RBFOX1: variants seen among roughly 807,000 people sequenced by gnomAD.
RBFOX1 encodes RNA binding protein fox-1 homolog 1.
In RBFOX1, 8 loss-of-function variants were observed where a neutral mutation model predicts 57.7. That is an observed-to-expected ratio of 0.14 (90% CI 0.08 to 0.25). RBFOX1 has a LOEUF of 0.25. Among genes scored for constraint, RBFOX1 ranks in the 10% least tolerant of loss-of-function variants. RBFOX1 has a pLI of 1.00. For synonymous variants in RBFOX1, 326 were observed against 222.4 expected (o/e 1.47, Z -4.15); for missense variants, 611 against 548.5 (o/e 1.11, Z -1.14).
intron 4 of RBFOX1, among the ~76,000 whole-genome samples, chr16:5,880,399 G>C (rs981706903): frequency 6.6e-6 from 1 of 152,148 alleles, no homozygotes; most frequent in Non-Finnish European, 1.5e-5. Context: ...AGACCCAGAG[G>C]ACAAGGATCT....
At chr16:7,585,765 T>C (rs1483270089) in intron 6 of RBFOX1, among the ~76,000 whole-genome samples, 1 of 152,198 alleles carries the variant, frequency 6.6e-6, no homozygotes, top group East Asian at 1.9e-4. Context: ...GCTATCTGTA[T>C]GTTCTAAATA....
intron 2 of RBFOX1, among the ~76,000 whole-genome samples, chr16:6,584,940 A>C (rs183157869): frequency 1.6e-4 from 24 of 152,276 alleles, no homozygotes; most frequent in African/African-American, 4.8e-4. Flanking sequence ...ACCAGTGACA[A>C]CTTCCCTTTG....
At chr16:7,036,202 A>AT (rs35241664) in intron 3 of RBFOX1, among the ~76,000 whole-genome samples, 70,227 of 145,706 alleles carry the variant, frequency 0.48, 17,856 homozygotes, top group South Asian at 0.62. Flanking sequence ...TCACCTTGAC[A>AT]TTTTTTTTTT....
intron 1 of RBFOX1, among the ~76,000 whole-genome samples, chr16:6,312,099 A>T (rs1451655233): frequency 1.3e-5 from 2 of 152,182 alleles, no homozygotes; most frequent in African/African-American, 4.8e-5. Flanking sequence ...AACTTAGGTG[A>T]GGCACCACCC....
intron 2 of RBFOX1, among the ~76,000 whole-genome samples, chr16:6,385,745 T>C (rs1013957176): frequency 6.6e-6 from 1 of 152,200 alleles, no homozygotes; most frequent in East Asian, 1.9e-4. Flanking sequence ...CAGTGACTCA[T>C]GCGTCACGTC....
chr16:7,510,667 A>G (rs1412685673), intron 4 of RBFOX1, among the ~76,000 whole-genome samples: 3 of 152,220 alleles, frequency 2.0e-5, no homozygotes, highest in African/African-American at 7.2e-5. Flanking sequence ...CTTCTGCACA[A>G]GAGGGTTTCT....
chr16:7,197,294 T>G (rs1027657505), intron 4 of RBFOX1, among the ~76,000 whole-genome samples: 3 of 152,176 alleles, frequency 2.0e-5, no homozygotes, highest in African/African-American at 7.2e-5. Context: ...ATGTCGTGGT[T>G]GAAGCAGGAA....
chr16:6,928,047 C>T (rs1215726855), intron 3 of RBFOX1, among the ~76,000 whole-genome samples: 2 of 152,162 alleles, frequency 1.3e-5, no homozygotes, highest in African/African-American at 2.4e-5. Flanking sequence ...ATAATTTCCC[C>T]AACTTGGGTT....
chr16:6,519,495 G>A (rs2096458542), intron 2 of RBFOX1, among the ~76,000 whole-genome samples: 1 of 152,118 alleles, frequency 6.6e-6, no homozygotes, highest in African/African-American at 2.4e-5. Flanking sequence ...GAGGTCAAGA[G>A]TTGGAGACCA....
intron 1 of RBFOX1, among the ~76,000 whole-genome samples, chr16:6,210,950 A>T (rs937450239): frequency 1.1e-4 from 16 of 152,122 alleles, no homozygotes; most frequent in Non-Finnish European, 2.2e-4. Context: ...GGGGCCTTGC[A>T]TTCCAAGTGT....
intron 14 of RBFOX1, among the ~76,000 whole-genome samples, chr16:7,707,887 T>TG (rs2083006731): frequency 6.6e-6 from 1 of 152,198 alleles, no homozygotes; most frequent in Admixed American, 6.5e-5. Context: ...GTAAGTCACT[T>TG]GCACAGGAAT....
intron 3 of RBFOX1, among the ~76,000 whole-genome samples, chr16:5,833,632 C>G (rs1379059643): frequency 6.6e-6 from 1 of 152,004 alleles, no homozygotes; most frequent in Non-Finnish European, 1.5e-5. Flanking sequence ...AGAGGGTCTC[C>G]TTAATTGAAA....
chr16:6,799,326 C>T (rs1006943446), intron 3 of RBFOX1, among the ~76,000 whole-genome samples: 1 of 152,080 alleles, frequency 6.6e-6, no homozygotes, highest in Non-Finnish European at 1.5e-5. Context: ...TCATTATATG[C>T]TATTAGGTTG....
At chr16:6,483,228 C>T (rs953578207) in intron 2 of RBFOX1, 11 of 1,228,218 alleles carry the variant, frequency 9.0e-6, no homozygotes, top group Non-Finnish European at 1.1e-5. Flanking sequence ...CGGACCCGGG[C>T]CCTGGCGCCG....
intron 5 of RBFOX1, among the ~76,000 whole-genome samples, chr16:7,571,935 C>G (rs978587659): frequency 6.6e-6 from 1 of 152,154 alleles, no homozygotes. Flanking sequence ...TTGAGACCAG[C>G]CTGGCCAACA....
chr16:7,414,674 G>A (rs1409765526), intron 4 of RBFOX1, among the ~76,000 whole-genome samples: 3 of 152,056 alleles, frequency 2.0e-5, no homozygotes, highest in Non-Finnish European at 4.4e-5. Context: ...CTGGAGTGTG[G>A]TGATGCGATC....
intron 2 of RBFOX1, among the ~76,000 whole-genome samples, chr16:6,500,022 C>G (rs1233062876): frequency 2.0e-5 from 3 of 152,098 alleles, no homozygotes; most frequent in African/African-American, 4.8e-5. Context: ...ACCCTTATCA[C>G]TGAATTAGCA....
At chr16:7,035,470 A>G (rs1021453456) in intron 3 of RBFOX1, among the ~76,000 whole-genome samples, 17 of 152,214 alleles carry the variant, frequency 1.1e-4, no homozygotes, top group African/African-American at 3.1e-4. Context: ...TACAGATAAG[A>G]CTTCCCCTGG....
chr16:6,707,015 G>C (rs1377302837), intron 3 of RBFOX1, among the ~76,000 whole-genome samples: 2 of 152,092 alleles, frequency 1.3e-5, no homozygotes, highest in African/African-American at 4.8e-5. Flanking sequence ...GAAGAAAATA[G>C]TATATCATCT....
Sources: gnomAD v4.1 joint callset for allele counts (sites outside exome capture counted in the v4.1 genomes callset) on GRCh38, gnomAD v4.1.1 for gene constraint, MANE v1.5 for transcripts, NCBI Gene and HGNC (gene_info 2026-07-23, HGNC 2026-07-21) for gene names.